The following RNF128 variants were observed in gnomAD, a reference collection of about 807,000 sequenced individuals.
The protein encoded by RNF128 is ring finger protein 128, also known as E3 ubiquitin-protein ligase RNF128.
A neutral mutation model predicts 26.2 loss-of-function variants in RNF128; 13 were observed. That is an observed-to-expected ratio of 0.50 (90% CI 0.32 to 0.79). The LOEUF is 0.79. RNF128 is among the 30% of genes least tolerant of loss of function. The probability of loss-of-function intolerance (pLI) is 0.03; values close to 1 mark genes in which losing one functional copy is unlikely to be tolerated. For missense variants in RNF128, 315 were observed against 349.7 expected (o/e 0.90, Z 0.79); for synonymous variants, 149 against 142.5 (o/e 1.05, Z -0.32).
At chrX:106,753,665 C>A (rs1929942543) in intron 1 of RNF128, among the ~76,000 whole-genome samples, 1 of 111,367 alleles carries the variant, frequency 9.0e-6, no homozygotes, top group African/African-American at 3.3e-5. Context: ...CATAGAATGG[C>A]TGAATGCATT....
chrX:106,737,164 C>G (rs1929614477), intron 1 of RNF128, among the ~76,000 whole-genome samples: 1 of 111,508 alleles, frequency 9.0e-6, no homozygotes, highest in Non-Finnish European at 1.9e-5. Context: ...CCCTAAAAGT[C>G]TTAAGAATGT....
chrX:106,790,100 A>G, intron 4 of RNF128, 86 bp from the exon 5 acceptor site: 1 of 534,133 alleles, frequency 1.9e-6, no homozygotes, highest in Non-Finnish European at 3.1e-6. Context: ...AAGACTAAAT[A>G]AAGTTACACT....
In RNF128 at chrX:106,726,898, G is replaced by C. The variant is rs1024388657; in HGVS notation, c.-16G>C. 1 of 1,159,240 alleles carries C rather than the reference G, an allele frequency of 8.6e-7. No individual in the cohort carries two copies. Among genetic ancestry groups the C allele is most frequent in the African/African-American group, 1.8e-5 (1 of 56,437 alleles). On this transcript the variant is annotated 5_prime_UTR_variant, in exon 1 of 7. Transcript: ENST00000255499. The stretch of plus-strand genomic sequence containing the variant: ...CGCGTGCCAGGGGCGCTAGGGAACT[G>C]CGGAGCGCGCGCGCCATGGGGCCGC...
At chrX:106,702,418 C>T (rs1251755054) in intron 1 of RNF128, among the ~76,000 whole-genome samples, 1 of 111,366 alleles carries the variant, frequency 9.0e-6, no homozygotes. Context: ...CCCAGAATTA[C>T]TTGCAATTAT....
intron 2 of RNF128, among the ~76,000 whole-genome samples, chrX:106,782,402 C>T (rs772512041): frequency 1.3e-4 from 15 of 111,637 alleles, no homozygotes; most frequent in Non-Finnish European, 2.8e-4. Flanking sequence ...TGGGCCAGGG[C>T]CAGGACCCTG....
intron 4 of RNF128, among the ~76,000 whole-genome samples, chrX:106,788,945 A>G (rs1181345887): frequency 2.6e-5 from 2 of 77,284 alleles, no homozygotes; most frequent in African/African-American, 1.0e-4. Context: ...TATAGTATAT[A>G]ATATATGTAT....
intron 1 of RNF128, among the ~76,000 whole-genome samples, chrX:106,735,405 T>C (rs1172729409): frequency 2.7e-5 from 3 of 111,567 alleles, no homozygotes; most frequent in Non-Finnish European, 5.6e-5. Context: ...TTGAAATAGC[T>C]TAGTTAAATA....
intron 1 of RNF128, among the ~76,000 whole-genome samples, chrX:106,769,018 G>T (rs1260457937): frequency 8.9e-6 from 1 of 112,151 alleles, no homozygotes; most frequent in Admixed American, 9.5e-5. Flanking sequence ...CCATGTGGTT[G>T]TGTGGTTTTG....
chrX:106,699,999 T>A (rs897971506), intron 1 of RNF128, among the ~76,000 whole-genome samples: 138 of 109,207 alleles, frequency 1.3e-3, no homozygotes, highest in African/African-American at 4.3e-3. Flanking sequence ...ATTTTCTTTT[T>A]TAATTTATTT....
At chrX:106,711,207 G>A (rs1177522671) in intron 1 of RNF128, among the ~76,000 whole-genome samples, 1 of 112,185 alleles carries the variant, frequency 8.9e-6, no homozygotes, top group Non-Finnish European at 1.9e-5. Context: ...CCCCATGGGA[G>A]TGGAGGGTTG....
chrX:106,753,211 A>G (rs955898060), intron 1 of RNF128, among the ~76,000 whole-genome samples: 6 of 111,818 alleles, frequency 5.4e-5, no homozygotes, highest in African/African-American at 1.9e-4. Context: ...TAGGAAGACT[A>G]AGAGATGAAC....
chrX:106,788,832 ATAC>A (rs1356837045), intron 4 of RNF128, among the ~76,000 whole-genome samples: 3 of 73,920 alleles, frequency 4.1e-5, no homozygotes, highest in Non-Finnish European at 7.0e-5. Context: ...ATAATTATAT[ATAC>A]TACATATAAT....
chrX:106,727,224 T>A lies in RNF128; in HGVS notation c.311T>A (p.Val104Glu). The change falls in exon 1 of 7, where the codon GTG becomes GAG. Residue 104 changes from valine to glutamate, a missense_variant. By Grantham distance (121) the Val-to-Glu change is moderately radical. Transcript: ENST00000255499. ...TGTAACCCGCACACGAATTTCACGG[T>A]GCCCACGGTTTGGGGAAGCACCGTG... ...NACNPHTNFTVPTVWGSTVQV... is the reference protein window; with the variant it reads ...NACNPHTNFTEPTVWGSTVQV... 8.3e-7 allele frequency: 1 copy of A among 1,211,747 alleles called. No individual in the cohort carries two copies. Among genetic ancestry groups the A allele is most frequent in the Non-Finnish European group, 1.1e-6 (1 of 895,441 alleles).
At chrX:106,718,957 C>T (rs1008806885) in intron 1 of RNF128, among the ~76,000 whole-genome samples, 15 of 111,795 alleles carry the variant, frequency 1.3e-4, no homozygotes, top group African/African-American at 4.9e-4. Flanking sequence ...TGCCACTAAT[C>T]CTAATGCATA....
At chrX:106,743,431 G>A (rs1212873730) in intron 1 of RNF128, among the ~76,000 whole-genome samples, 2 of 111,614 alleles carry the variant, frequency 1.8e-5, no homozygotes, top group African/African-American at 6.5e-5. Context: ...TGGGATCTAT[G>A]TAACACAGTG....
chrX:106,790,435 G>A (rs947422491), intron 5 of RNF128, among the ~76,000 whole-genome samples, 153 bp downstream of exon 5: 1 of 110,101 alleles, frequency 9.1e-6, no homozygotes, highest in African/African-American at 3.3e-5. Flanking sequence ...ACAATGAGGT[G>A]CCATCTTGGG....
At chrX:106,733,575 T>TCTGTACAAAA (rs748261163) in intron 1 of RNF128, among the ~76,000 whole-genome samples, 36 of 112,236 alleles carry the variant, frequency 3.2e-4, no homozygotes, top group African/African-American at 1.1e-3. Flanking sequence ...GGCATAACTT[T>TCTGTACAAAA]GTATTCTACT....
intron 1 of RNF128, among the ~76,000 whole-genome samples, chrX:106,716,472 GT>G (rs935928351): frequency 1.8e-5 from 2 of 112,002 alleles, no homozygotes; most frequent in African/African-American, 6.5e-5. Flanking sequence ...GCATGAGGGA[GT>G]TTTTGTGGTA....
At chrX:106,701,064 T>C (rs1435803445) in intron 1 of RNF128, among the ~76,000 whole-genome samples, 3 of 112,195 alleles carry the variant, frequency 2.7e-5, no homozygotes, top group Non-Finnish European at 5.6e-5. Flanking sequence ...GTATCACTAT[T>C]GTTGACCTTG....
Sources: gnomAD v4.1 joint callset for allele counts (sites outside exome capture counted in the v4.1 genomes callset) on GRCh38, gnomAD v4.1.1 for gene constraint, MANE v1.5 for transcripts, NCBI Gene and HGNC (gene_info 2026-07-23, HGNC 2026-07-21) for gene names.